CCDC148: variants seen among roughly 807,000 people sequenced by gnomAD.
The protein encoded by CCDC148 is coiled-coil domain containing 148.
In CCDC148, 89 loss-of-function variants were observed where a neutral mutation model predicts 85.7. That is an observed-to-expected ratio of 1.04 (90% CI 0.87 to 1.24). The LOEUF (loss-of-function observed/expected upper bound fraction) is 1.24, where lower values mean the gene tolerates loss of function less well. Among genes scored for constraint, CCDC148 ranks in the 50% most tolerant of loss-of-function variants. The pLI, the probability that CCDC148 is intolerant of heterozygous loss-of-function variation, is 0.00. For missense variants in CCDC148, 692 were observed against 671.7 expected, an observed-to-expected ratio of 1.03 and a Z score of -0.33; for synonymous variants, 230 against 213.9, an observed-to-expected ratio of 1.08 and a Z score of -0.66.
chr2:158,365,443 T>G (rs1391866199), intron 1 of CCDC148, among the ~76,000 whole-genome samples: 2 of 152,156 alleles, frequency 1.3e-5, no homozygotes, highest in Non-Finnish European at 2.9e-5. Flanking sequence ...AAAGAAAATG[T>G]GGCACATATA....
chr2:158,452,583 G>A (rs570672525), intron 1 of CCDC148, among the ~76,000 whole-genome samples: 1 of 152,106 alleles, frequency 6.6e-6, no homozygotes, highest in Non-Finnish European at 1.5e-5. Flanking sequence ...AAAACATCAG[G>A]ACCAAGACAG....
chr2:158,251,106 A>G (rs1688775513), intron 9 of CCDC148, among the ~76,000 whole-genome samples, 194 bp from the exon 10 acceptor site: 1 of 151,790 alleles, frequency 6.6e-6, no homozygotes, highest in Non-Finnish European at 1.5e-5. Context: ...AAGCAACTTT[A>G]AAATCATGTA....
chr2:158,390,051 T>A (rs1432087826), intron 1 of CCDC148, among the ~76,000 whole-genome samples: 1 of 152,168 alleles, frequency 6.6e-6, no homozygotes, highest in Admixed American at 6.6e-5. Context: ...GTGTCCCACT[T>A]TACAAAAGAA....
intron 1 of CCDC148, among the ~76,000 whole-genome samples, chr2:158,416,919 T>C (rs528578340): frequency 2.0e-5 from 3 of 152,310 alleles, no homozygotes; most frequent in African/African-American, 7.2e-5. Flanking sequence ...TTCTGCAGGC[T>C]GTACAGGAAA....
intron 1 of CCDC148, among the ~76,000 whole-genome samples, chr2:158,403,715 T>C (rs918031003): frequency 2.0e-5 from 3 of 151,576 alleles, no homozygotes; most frequent in Non-Finnish European, 2.9e-5. Flanking sequence ...CACAAACACA[T>C]GCAAACACGA....
chr2:158,377,592 A>G (rs1286314315), intron 1 of CCDC148, among the ~76,000 whole-genome samples: 1 of 152,110 alleles, frequency 6.6e-6, no homozygotes, highest in Non-Finnish European at 1.5e-5. Flanking sequence ...CTGGCGACAT[A>G]CAGGCATACC....
chr2:158,280,538 AC>A (rs1427283724), intron 9 of CCDC148, among the ~76,000 whole-genome samples: 1 of 152,250 alleles, frequency 6.6e-6, no homozygotes, highest in African/African-American at 2.4e-5. Context: ...GAAGGCCAAT[AC>A]ATAATGGTAA....
chr2:158,337,958 A>G (rs1372354852), intron 7 of CCDC148, among the ~76,000 whole-genome samples: 1 of 152,160 alleles, frequency 6.6e-6, no homozygotes, highest in Non-Finnish European at 1.5e-5. Context: ...AATTTACTAT[A>G]AATGTGTCCC....
At chr2:158,330,850 G>C (rs995228269) in intron 7 of CCDC148, among the ~76,000 whole-genome samples, 5 of 152,042 alleles carry the variant, frequency 3.3e-5, no homozygotes, top group African/African-American at 1.2e-4. Flanking sequence ...GAGATAGGTG[G>C]TGATATCCCC....
At chr2:158,256,202 A>G (rs1319238405) in intron 9 of CCDC148, among the ~76,000 whole-genome samples, 1 of 151,524 alleles carries the variant, frequency 6.6e-6, no homozygotes, top group Non-Finnish European at 1.5e-5. Context: ...TATAAGTGTC[A>G]GTATGGCATA....
chr2:158,358,671 A>G (rs1683785364), intron 1 of CCDC148, 101 bp from the exon 2 acceptor site: 3 of 637,908 alleles, frequency 4.7e-6, no homozygotes, highest in Non-Finnish European at 6.9e-6. Context: ...TCTTATTTTT[A>G]AATATTTTTA....
At chr2:158,269,308 G>A (rs1226053472) in intron 9 of CCDC148, among the ~76,000 whole-genome samples, 2 of 151,998 alleles carry the variant, frequency 1.3e-5, no homozygotes, top group Non-Finnish European at 2.9e-5. Flanking sequence ...TTTCCCTCAT[G>A]TTTGAGCACA....
chr2:158,350,124 C>T (rs1683187369), intron 2 of CCDC148, among the ~76,000 whole-genome samples: 1 of 152,082 alleles, frequency 6.6e-6, no homozygotes, highest in African/African-American at 2.4e-5. Context: ...TTTAACCGCA[C>T]AAATATGTAA....
chr2:158,346,233 A>G (rs1290617821), intron 2 of CCDC148, among the ~76,000 whole-genome samples: 1 of 152,166 alleles, frequency 6.6e-6, no homozygotes, highest in Non-Finnish European at 1.5e-5. Context: ...CAGCCAAAGC[A>G]AGACCCTGGG....
intron 9 of CCDC148, among the ~76,000 whole-genome samples, chr2:158,307,325 A>C (rs1691740736): frequency 6.6e-6 from 1 of 152,192 alleles, no homozygotes; most frequent in Admixed American, 6.5e-5. Flanking sequence ...ATGAAAAGAC[A>C]CTTGGACAGC....
At chr2:158,406,393 G>T (rs6437171) in intron 1 of CCDC148, among the ~76,000 whole-genome samples, 4 of 151,704 alleles carry the variant, frequency 2.6e-5, no homozygotes, top group South Asian at 4.2e-4. Flanking sequence ...AGGTCCTAGT[G>T]GGGGGCTGGG....
chr2:158,210,462 C>G (rs1369843768), intron 11 of CCDC148, among the ~76,000 whole-genome samples: 1 of 151,992 alleles, frequency 6.6e-6, no homozygotes, highest in African/African-American at 2.4e-5. Context: ...TCAAGCAGAC[C>G]TAATAGACAT....
rs1255858758 is a variant in CCDC148 at position 158,390,792 on chromosome 2, C to CT, written c.26-32223dup. ...TTTTCGGCATTTCTAGCCAAGAAGT[C>CT]TTTTTTTTCTTAAGGTAGATTGCAT... On this transcript the variant is annotated intron_variant, in intron 1 of 13. Transcript: ENST00000283233. Among the ~76,000 whole-genome samples, 7 of 152,090 alleles carry CT rather than the reference C, an allele frequency of 4.6e-5. No homozygotes were observed. In the East Asian group the frequency reaches 9.7e-4, roughly 21 times the overall value.
chr2:158,228,967 CA>C lies in CCDC148; in HGVS notation c.1252-8255del, dbSNP rs1234928451. Among the ~76,000 whole-genome samples the C allele has an allele frequency of 8.0e-3, 754 of 94,198 alleles. 7 individuals are homozygous for C. The highest frequency in any genetic ancestry group is 0.024 in the African/African-American group (631 of 25,914). The allele number at this position is 94,198 out of a possible 152,430, so 61.8% of individuals were successfully genotyped here. ...TAAAACTTAAAGTATAATAACAAAA[CA>C]AAAAAAAAAAGAAAATGAAAGAAAA... is the stretch of plus-strand genomic sequence containing the variant. On this transcript the variant is annotated intron_variant, in intron 10 of 13. Transcript: ENST00000283233.
Sources: allele counts gnomAD v4.1 joint callset (sites outside exome capture counted in the v4.1 genomes callset), GRCh38; gene constraint gnomAD v4.1.1; transcripts MANE v1.5; gene names NCBI Gene and HGNC (gene_info 2026-07-23, HGNC 2026-07-21).